Variants in TLCD2 observed in about 807,000 individuals in gnomAD.
TLCD2 encodes the protein TLC domain-containing protein 2.
TLCD2 carries 12 observed loss-of-function variants against 14.0 expected under a neutral mutation model. The ratio of observed to expected loss-of-function variants is 0.86; its 90% confidence interval spans 0.55 to 1.39. The LOEUF is 1.39. Ranked by LOEUF, TLCD2 falls within the 40% of genes most tolerant of loss-of-function variation. The pLI is 0.00. For synonymous variants in TLCD2, 166 were observed against 156.5 expected (o/e 1.06, Z -0.45); for missense variants, 360 against 346.8 (o/e 1.04, Z -0.30).
intron 3 of TLCD2, among the ~76,000 whole-genome samples, chr17:1,708,772 C>T (rs181231196): frequency 5.9e-5 from 9 of 152,168 alleles, no homozygotes; most frequent in Non-Finnish European, 8.8e-5. Context: ...CATAAGCCAC[C>T]GTGCCTGGCC....
rs1913961099 is a variant in TLCD2, at chr17:1,704,249, A to G, written c.*3521T>C. ...AAAAAAAAAAAAAAAAAAAGAAGAA[A>G]AGAAAGAAAAAAGAAAATTTTTTTT... On this transcript the variant is annotated 3_prime_UTR_variant, in exon 4 of 4. Transcript: ENST00000330676. The G allele has an allele frequency of 6.9e-6, 1 of 145,520 alleles. No homozygotes were observed. Among genetic ancestry groups the G allele is most frequent in the Non-Finnish European group, 1.5e-5 (1 of 66,384 alleles). 9.0% of individuals were successfully genotyped at this position (145,520 alleles called of 1,614,324 possible). A position where few individuals can be genotyped will look rare whatever the true frequency, so the allele number is the denominator to read the frequency against.
chr17:1,708,479 C>CTTTTTT (rs70956738), intron 3 of TLCD2, among the ~76,000 whole-genome samples: 1 of 47,844 alleles, frequency 2.1e-5, no homozygotes, highest in Non-Finnish European at 4.3e-5. Context: ...GGCTTGCTTG[C>CTTTTTT]TTTTTTTTTT....
rs1216318111 is a variant in TLCD2 at position 1,702,818 on chromosome 17, A to AT, written c.*4951dup. ...AGAGATTGATGCAACTAATGCAATT[A>AT]TTTGCATAGCAATTTATTAATTTAT... is the stretch of plus-strand genomic sequence containing the variant. On this transcript the variant is annotated 3_prime_UTR_variant, in exon 4 of 4. Transcript: ENST00000330676. The AT allele has an allele frequency of 1.3e-5, 2 of 152,254 alleles. No individual in the cohort carries two copies. Among genetic ancestry groups the AT allele is most frequent in the African/African-American group, 4.8e-5 (2 of 41,468 alleles). 9.4% of individuals were successfully genotyped at this position (152,254 alleles called of 1,614,324 possible).
Position 1,708,773 on chromosome 17 carries a change from G to A in TLCD2, c.343-551C>T, listed in dbSNP as rs768779223. Among the ~76,000 whole-genome samples the A allele has an allele frequency of 1.6e-4, 24 of 152,256 alleles. 1 individual carries two copies. The highest frequency in any genetic ancestry group is 2.1e-4 in the Non-Finnish European group (14 of 68,004). On this transcript the variant is annotated intron_variant, in intron 3 of 3. Transcript: ENST00000330676. The stretch of plus-strand genomic sequence containing the variant: ...GCTGGGATTATAGGCATAAGCCACC[G>A]TGCCTGGCCTAGGGCTTTCATGCCC...
chr17:1,707,843 G>C lies in TLCD2; in HGVS notation c.722C>G (p.Thr241Ser). The C allele has an allele frequency of 6.5e-7, 1 of 1,535,956 alleles. No homozygotes were observed. The highest frequency in any genetic ancestry group is 8.7e-7 in the Non-Finnish European group (1 of 1,146,160). Residue 241 changes from threonine (T) to serine (S), a missense_variant, in exon 4 of 4, where the codon ACC becomes AGC. Thr to Ser is a moderately conservative substitution (Grantham distance 58). Transcript: ENST00000330676. ...GTCACGACGTGTCCTGGTCCCCCTG[G>C]TTTTCTCATGGCCAGGGCTGGGTGG... ...PHPPSPGHEK[T>S]RGTRTRRDNG...
rs1254260640 is a variant in TLCD2, at chr17:1,703,738, C to T, written c.*4032G>A. ...AACCATCATGAATGTATACCAGTGGCCAAAGAAAAGGTGTATGACTTAGAA... is the reference window on the plus strand; with the variant it reads ...AACCATCATGAATGTATACCAGTGGTCAAAGAAAAGGTGTATGACTTAGAA... On this transcript the variant is annotated 3_prime_UTR_variant, in exon 4 of 4. Transcript: ENST00000330676. The T allele has an allele frequency of 6.6e-6, 1 of 152,064 alleles. No individual in the cohort carries two copies. The highest frequency in any genetic ancestry group is 6.6e-5 in the Admixed American group (1 of 15,252). The allele number at this position is 152,064 out of a possible 1,614,324, so 9.4% of individuals were successfully genotyped here. A position where few individuals can be genotyped will look rare whatever the true frequency, so the allele number is the denominator to read the frequency against.
In TLCD2 at chr17:1,710,159, C is replaced by A; in HGVS notation, c.84G>T (p.Thr28=). The change falls in exon 1 of 4, where the codon ACG becomes ACT. Residue 28 remains threonine (T), a synonymous_variant. Transcript: ENST00000330676. This position sits in a 1 kb window ranked among gnomAD's most constrained non-coding sequence, Gnocchi z 6.1. The part of the protein sequence containing the change: ...GLHWGLRRLP[T]PESAARDRWQ... ...AGCGGTCCCGAGCGGCCGATTCCGG[C>A]GTGGGCAGCCGCCGCAACCCCCAGT... The A allele has an allele frequency of 3.3e-6, 5 of 1,533,058 alleles. No individual in the cohort carries two copies. Among genetic ancestry groups the A allele is most frequent in the Non-Finnish European group, 4.4e-6 (5 of 1,146,208 alleles). 95.0% of individuals were successfully genotyped at this position (1,533,058 alleles called of 1,614,324 possible).
At chr17:1,708,276 T>C in intron 3 of TLCD2, 54 bp from the exon 4 acceptor site, 1 of 1,378,834 alleles carries the variant, frequency 7.3e-7, no homozygotes, top group South Asian at 1.4e-5. Flanking sequence ...AGCCATCATG[T>C]CCCAATAACC....
Position 1,707,745 on chromosome 17 carries a change from C to T in TLCD2, c.*25G>A. The T allele has an allele frequency of 2.1e-6, 3 of 1,460,070 alleles. No individual in the cohort carries two copies. Among genetic ancestry groups the T allele is most frequent in the Non-Finnish European group, 2.7e-6 (3 of 1,106,144 alleles). The allele number at this position is 1,460,070 out of a possible 1,614,324, so 90.4% of individuals were successfully genotyped here. ...TCTCCTTGTCCTGGCCCCACCTCCCCCAGCGAGGGGCCCATGGCTTCTCTC... is the reference window on the plus strand; with the variant it reads ...TCTCCTTGTCCTGGCCCCACCTCCCTCAGCGAGGGGCCCATGGCTTCTCTC... On this transcript the variant is annotated 3_prime_UTR_variant, in exon 4 of 4. Transcript: ENST00000330676.
In TLCD2 at chr17:1,706,728, C is replaced by T. The variant is rs1914043823; in HGVS notation, c.*1042G>A. 7.9e-6 allele frequency: 1 copy of T among 125,890 alleles called. No individual in the cohort carries two copies. Among genetic ancestry groups the T allele is most frequent in the Non-Finnish European group, 1.6e-5 (1 of 63,352 alleles). The allele number at this position is 125,890 out of a possible 1,614,324, so 7.8% of individuals were successfully genotyped here. ...GGCAGAGATTGCAGTGAGCCAAGATCAAGCCACTGCACTCCATCCTGGGCA... is the reference window on the plus strand; with the variant it reads ...GGCAGAGATTGCAGTGAGCCAAGATTAAGCCACTGCACTCCATCCTGGGCA... On this transcript the variant is annotated 3_prime_UTR_variant, in exon 4 of 4. Coordinates refer to ENST00000330676, the MANE Select transcript of TLCD2 (RefSeq NM_001164407.2).
At chr17:1,709,766 C>CA in intron 2 of TLCD2, 38 bp downstream of exon 2, 1 of 1,386,990 alleles carries the variant, frequency 7.2e-7, no homozygotes, top group Non-Finnish European at 9.9e-7. Flanking sequence ...CCCCCCGCCC[C>CA]ATCCCCACCA....
chr17:1,708,230 C>T lies in TLCD2; in HGVS notation c.343-8G>A. On this transcript the variant is annotated splice_polypyrimidine_tract_variant and splice_region_variant and intron_variant, in intron 3 of 3. Coordinates refer to ENST00000330676, the MANE Select transcript of TLCD2 (RefSeq NM_001164407.2). Reference sequence around the variant, plus strand: ...GCTGAGGCAGCTCACCACCTGGGAGCCAGGGTCACAGGTCAGAGGAACCCC... The same window carrying T: ...GCTGAGGCAGCTCACCACCTGGGAGTCAGGGTCACAGGTCAGAGGAACCCC... 1 of 1,514,462 alleles carries T rather than the reference C, an allele frequency of 6.6e-7. No individual in the cohort carries two copies. Among genetic ancestry groups the T allele is most frequent in the Non-Finnish European group, 8.8e-7 (1 of 1,134,332 alleles). The allele number at this position is 1,514,462 out of a possible 1,614,324, so 93.8% of individuals were successfully genotyped here.
rs1020031298 is a variant in TLCD2, at chr17:1,707,861, C to T, written c.704G>A (p.Ser235Asn). 2 of 1,536,950 alleles carry T rather than the reference C, an allele frequency of 1.3e-6. No individual in the cohort carries two copies. Among genetic ancestry groups the T allele is most frequent in the African/African-American group, 2.7e-5 (2 of 73,038 alleles). The change falls in exon 4 of 4, where the codon AGC (serine) becomes AAC (asparagine). Residue 235 changes from serine to asparagine, a missense_variant. Transcript: ENST00000330676. ...DVLQSRPHPP[S>N]PGHEKTRGTR... ...CCCCCTGGTTTTCTCATGGCCAGGG[C>T]TGGGTGGATGGGGTCGAGACTGTAG... is the stretch of plus-strand genomic sequence containing the variant.
rs1914098922 is a variant in TLCD2 at position 1,708,192 on chromosome 17, A to G, written c.373T>C (p.Ser125Pro). ...ATGGAGAAGCCCACGTAGTGGCCAGACAGAACAGCGGTGCTGAGGCAGCTC... is the reference window on the plus strand; with the variant it reads ...ATGGAGAAGCCCACGTAGTGGCCAGGCAGAACAGCGGTGCTGAGGCAGCTC... ...VVSCLSTAVL[S>P]GHYVGFSMVS... The change falls in exon 4 of 4, where the codon TCT becomes CCT. Residue 125 changes from serine to proline, a missense_variant. Ser to Pro is a moderately conservative substitution (Grantham distance 74). Coordinates refer to ENST00000330676, the MANE Select transcript of TLCD2 (RefSeq NM_001164407.2). 6.5e-7 allele frequency: 1 copy of G among 1,535,180 alleles called. No individual in the cohort carries two copies.
At position 1,709,596 on chromosome 17, in the gene TLCD2, G is replaced by C. The variant is rs768333345; in HGVS notation, c.260-15C>G. On this transcript the variant is annotated splice_polypyrimidine_tract_variant and intron_variant, in intron 2 of 3. Coordinates refer to ENST00000330676, the MANE Select transcript of TLCD2 (RefSeq NM_001164407.2). ...CAGGAAGTAACCTGTGGGCATGGGG[G>C]TAGGGGTTAGGCTGCTCCAGAGCCC... 6.5e-7 allele frequency: 1 copy of C among 1,536,054 alleles called. No homozygotes were observed. The highest frequency in any genetic ancestry group is 1.4e-5 in the African/African-American group (1 of 72,956).
In TLCD2 at chr17:1,707,734, C is replaced by A. The variant is rs546118279; in HGVS notation, c.*36G>T. Reference sequence around the variant, plus strand: ...GAAGACCCTCATCTCCTTGTCCTGGCCCCACCTCCCCCAGCGAGGGGCCCA... The same window carrying A: ...GAAGACCCTCATCTCCTTGTCCTGGACCCACCTCCCCCAGCGAGGGGCCCA... On this transcript the variant is annotated 3_prime_UTR_variant, in exon 4 of 4. Coordinates refer to ENST00000330676, the MANE Select transcript of TLCD2 (RefSeq NM_001164407.2). 85 of 1,452,862 alleles carry A rather than the reference C, an allele frequency of 5.9e-5. No individual in the cohort carries two copies. Among genetic ancestry groups the A allele is most frequent in the Non-Finnish European group, 7.6e-5 (84 of 1,100,990 alleles). 90.0% of individuals were successfully genotyped at this position (1,452,862 alleles called of 1,614,324 possible).
In TLCD2 at chr17:1,710,007, C is replaced by CG; in HGVS notation, c.176+59dup. 1 of 1,518,300 alleles carries CG rather than the reference C, an allele frequency of 6.6e-7. No individual in the cohort carries two copies. The highest frequency in any genetic ancestry group is 1.2e-5 in the South Asian group (1 of 81,166). The allele number at this position is 1,518,300 out of a possible 1,614,324, so 94.1% of individuals were successfully genotyped here. A position where few individuals can be genotyped will look rare whatever the true frequency, so the allele number is the denominator to read the frequency against. On this transcript the variant is annotated intron_variant, in intron 1 of 3. Coordinates refer to ENST00000330676, the MANE Select transcript of TLCD2 (RefSeq NM_001164407.2). The surrounding 1 kb of genome is among the most constrained non-coding windows in gnomAD (Gnocchi z 6.1). ...CTCTGGAGACGCCCGGCGGGTCTCC[C>CG]GGCCTCAGCCTCCCACCCCTCGCCC...
chr17:1,708,035 C>T lies in TLCD2; in HGVS notation c.530G>A (p.Arg177His), dbSNP rs11654372. 6.1e-3 allele frequency: 9,432 copies of T among 1,537,214 alleles called. 34 individuals are homozygous for T. Among genetic ancestry groups the T allele is most frequent in the Non-Finnish European group, 7.4e-3 (8,437 of 1,146,918 alleles). The stretch of plus-strand genomic sequence containing the variant: ...ACTCATCCACCCCAGCGGGACCAGG[C>T]GGAAGAGGGCCAAGGTGGCCAAGGA... ...WASLATLALF[R>H]LVPLGWMSLW... The change falls in exon 4 of 4, where the codon CGC becomes CAC. Residue 177 changes from arginine to histidine, a missense_variant. Transcript: ENST00000330676.
chr17:1,709,830 G>A lies in TLCD2; in HGVS notation c.233C>T (p.Ala78Val). The A allele has an allele frequency of 6.5e-7, 1 of 1,534,700 alleles. No individual in the cohort carries two copies. Among genetic ancestry groups the A allele is most frequent in the South Asian group, 1.2e-5 (1 of 84,036 alleles). ...CACAGACACAGCCACCAGCACCAGA[G>A]CCCAGCGCGGGTGGCCATGGATGGG... The part of the protein sequence containing the change: ...ADPIHGHPRW[A>V]LVLVAVSVGY... The change falls in exon 2 of 4, where the codon GCT becomes GTT. Residue 78 changes from alanine to valine, a missense_variant. Ala to Val is a moderately conservative substitution (Grantham distance 64). Coordinates refer to ENST00000330676, the MANE Select transcript of TLCD2 (RefSeq NM_001164407.2).
Sources: gnomAD v4.1 joint callset for allele counts (sites outside exome capture counted in the v4.1 genomes callset) on GRCh38, gnomAD v4.1.1 for gene constraint, Gnocchi (gnomAD v3.1) non-coding constraint, MANE v1.5 for transcripts, NCBI Gene and HGNC (gene_info 2026-07-23, HGNC 2026-07-21) for gene names.